The following CDH10 variants were observed in gnomAD, a reference collection of about 807,000 sequenced individuals.
The protein encoded by CDH10 is cadherin-10.
Under a neutral mutation model 73.1 loss-of-function variants are expected in CDH10, and 30 were observed. The ratio of observed to expected loss-of-function variants is 0.41; its 90% CI spans 0.31 to 0.56. The LOEUF (loss-of-function observed/expected upper bound fraction) is 0.56. Ranked by LOEUF, CDH10 falls within the 20% of genes least tolerant of loss-of-function variation. The pLI is 0.27. For missense variants in CDH10, 815 were observed against 973.7 expected (o/e 0.84, Z 2.17); for synonymous variants, 345 against 348.2 (o/e 0.99, Z 0.10).
intron 5 of CDH10, among the ~76,000 whole-genome samples, chr5:24,513,550 A>G (rs1225287840): frequency 1.3e-5 from 2 of 152,146 alleles, no homozygotes; most frequent in African/African-American, 4.8e-5. Context: ...GGTTTAAGCC[A>G]CCCATTCTGT....
chr5:24,560,750 T>C lies in CDH10; in HGVS notation c.232-23076A>G, dbSNP rs1488586538. ...TCTATAAATGGTTGTCAGTGTATTT[T>C]TAGACCAAAGCAACTTCAGCCTTTA... On this transcript the variant is annotated intron_variant, in intron 2 of 11. Coordinates refer to ENST00000264463, the MANE Select transcript of CDH10 (RefSeq NM_006727.5). Among the ~76,000 whole-genome samples, 3 of 152,118 alleles carry C rather than the reference T, an allele frequency of 2.0e-5. No homozygotes were observed. The East Asian group carries it at 5.8e-4, about 29-fold the overall frequency.
In CDH10 at chr5:24,520,716, C is replaced by G. The variant is rs967159285; in HGVS notation, c.815-9202G>C. On this transcript the variant is annotated intron_variant, in intron 5 of 11. Coordinates refer to ENST00000264463, the MANE Select transcript of CDH10 (RefSeq NM_006727.5). The stretch of plus-strand genomic sequence containing the variant: ...AAAACAAACAAACACATATACAACA[C>G]AAATCACTTTTTTTTTGTTGTTTTT... 6.6e-5 allele frequency among the ~76,000 whole-genome samples: 10 copies of G among 151,914 alleles called. 1 individual carries two copies. The highest frequency in any genetic ancestry group is 1.5e-5 in the Non-Finnish European group (1 of 67,994).
At chr5:24,517,047 T>C (rs531624150) in intron 5 of CDH10, among the ~76,000 whole-genome samples, 1 of 152,238 alleles carries the variant, frequency 6.6e-6, no homozygotes, top group East Asian at 1.9e-4. Context: ...ACTTTCATTT[T>C]AGAAATCAAC....
chr5:24,643,063 C>G (rs752802202), intron 1 of CDH10, among the ~76,000 whole-genome samples: 6 of 151,994 alleles, frequency 3.9e-5, no homozygotes, highest in Non-Finnish European at 8.8e-5. Context: ...AGGCACAGAT[C>G]CACGCTGTTT....
chr5:24,581,517 T>G (rs984160123), intron 2 of CDH10, among the ~76,000 whole-genome samples: 1 of 152,200 alleles, frequency 6.6e-6, no homozygotes, highest in Non-Finnish European at 1.5e-5. Context: ...TTTCCTGTAT[T>G]TCTCACTAAA....
intron 2 of CDH10, among the ~76,000 whole-genome samples, chr5:24,557,373 C>A (rs1744805330): frequency 1.3e-5 from 2 of 151,630 alleles, no homozygotes; most frequent in South Asian, 4.2e-4. Context: ...TTTACAGAAT[C>A]ATTATTATTT....
intron 7 of CDH10, among the ~76,000 whole-genome samples, chr5:24,507,453 C>A (rs1259746488): frequency 6.6e-6 from 1 of 151,244 alleles, no homozygotes; most frequent in East Asian, 1.9e-4. Context: ...AGTCTTTAGA[C>A]TTGCATCCTC....
At chr5:24,610,073 C>G (rs949542573) in intron 1 of CDH10, 1 of 152,210 alleles carries the variant, frequency 6.6e-6, no homozygotes, top group Non-Finnish European at 1.5e-5. Context: ...CATATTATTA[C>G]GCATACAGGA....
intron 2 of CDH10, among the ~76,000 whole-genome samples, chr5:24,540,314 T>G (rs552960266): frequency 6.6e-6 from 1 of 151,946 alleles, no homozygotes; most frequent in Non-Finnish European, 1.5e-5. Context: ...AAGAAGGATC[T>G]AAGGCAAGAT....
At chr5:24,512,875 C>T (rs1165540572) in intron 5 of CDH10, among the ~76,000 whole-genome samples, 2 of 137,480 alleles carry the variant, frequency 1.5e-5, no homozygotes, top group African/African-American at 2.7e-5. Context: ...CTGAATATGT[C>T]TCTCCTATAT....
intron 2 of CDH10, among the ~76,000 whole-genome samples, chr5:24,566,602 G>A (rs1745173815): frequency 6.6e-6 from 1 of 151,938 alleles, no homozygotes; most frequent in African/African-American, 2.4e-5. Flanking sequence ...ATTTCAATGA[G>A]GACAGGAAAG....
intron 1 of CDH10, among the ~76,000 whole-genome samples, chr5:24,637,556 G>A (rs555436019): frequency 1.8e-3 from 268 of 151,906 alleles, no homozygotes; most frequent in African/African-American, 6.2e-3. Flanking sequence ...ATTCATCCTT[G>A]TATCTCCAGG....
intron 5 of CDH10, among the ~76,000 whole-genome samples, chr5:24,518,238 T>G (rs1743180958): frequency 6.6e-6 from 1 of 152,148 alleles, no homozygotes; most frequent in Admixed American, 6.6e-5. Context: ...CTCTGAAACG[T>G]TTATTATATA....
At chr5:24,532,810 C>T (rs67877206) in intron 5 of CDH10, among the ~76,000 whole-genome samples, 70,155 of 151,694 alleles carry the variant, frequency 0.46, 16,469 homozygotes, top group East Asian at 0.58. Context: ...TTTTCTTCTA[C>T]ACTTTGGGTA....
chr5:24,636,567 A>G (rs1747875582), intron 1 of CDH10, among the ~76,000 whole-genome samples: 2 of 152,016 alleles, frequency 1.3e-5, no homozygotes, highest in African/African-American at 2.4e-5. Context: ...TACTTTAGGA[A>G]TAAGGAAGCT....
At chr5:24,596,450 G>A (rs1481478024) in intron 1 of CDH10, among the ~76,000 whole-genome samples, 1 of 151,638 alleles carries the variant, frequency 6.6e-6, no homozygotes, top group African/African-American at 2.4e-5. Flanking sequence ...ACTACTAACG[G>A]CCGTTTTCCT....
intron 1 of CDH10, among the ~76,000 whole-genome samples, chr5:24,642,544 C>G (rs552847610): frequency 6.6e-6 from 1 of 152,082 alleles, no homozygotes; most frequent in Non-Finnish European, 1.5e-5. Flanking sequence ...AAATTAAAAT[C>G]AGTTTTGTAT....
chr5:24,540,550 T>C (rs771112731), intron 2 of CDH10, among the ~76,000 whole-genome samples: 45 of 151,916 alleles, frequency 3.0e-4, no homozygotes, highest in Admixed American at 2.0e-4. Context: ...TAGTAGGGAA[T>C]CAAAGAGATG....
intron 5 of CDH10, among the ~76,000 whole-genome samples, chr5:24,524,910 A>G (rs1743470858): frequency 6.6e-6 from 1 of 152,082 alleles, no homozygotes; most frequent in Non-Finnish European, 1.5e-5. Context: ...TGATGCATTT[A>G]TGGTTTTTCA....
Sources: gnomAD v4.1 joint callset for allele counts (sites outside exome capture counted in the v4.1 genomes callset) on GRCh38, gnomAD v4.1.1 for gene constraint, MANE v1.5 for transcripts, NCBI Gene and HGNC (gene_info 2026-07-23, HGNC 2026-07-21) for gene names.